Variants in SMIM23 observed in about 807,000 individuals in gnomAD.
The protein encoded by SMIM23 is small integral membrane protein 23, also known as CTB-78H18.1.
In SMIM23, 10 loss-of-function variants were observed where a neutral mutation model predicts 12.8. The ratio of observed to expected loss-of-function variants is 0.78; its 90% CI spans 0.48 to 1.32. The LOEUF (loss-of-function observed/expected upper bound fraction) is 1.32, where lower values mean the gene tolerates loss of function less well. Among genes scored for constraint, SMIM23 ranks in the 40% most tolerant of loss-of-function variants. SMIM23 has a pLI of 0.00. For synonymous variants in SMIM23, 78 were observed against 80.1 expected (o/e 0.97, Z 0.14); for missense variants, 184 against 198.2 (o/e 0.93, Z 0.43).
chr5:171,775,415 C>T, the SMIM23 span, among the ~76,000 whole-genome samples: 5 of 152,094 alleles, frequency 3.3e-5, no homozygotes, highest in African/African-American at 4.8e-5. Context: ...GTAACTCTAC[C>T]GTGTGAAAGG....
At chr5:171,780,472 C>A (rs1046657862), upstream of SMIM23, among the ~76,000 whole-genome samples, 1 of 152,106 alleles carries the variant, frequency 6.6e-6, no homozygotes, top group Admixed American at 6.6e-5. Context: ...CTCTGCCTTC[C>A]GAAGGAGTTT....
At chr5:171,781,775 G>A (rs1428287211), upstream of SMIM23, among the ~76,000 whole-genome samples, 1 of 152,232 alleles carries the variant, frequency 6.6e-6, no homozygotes, top group Admixed American at 6.5e-5. Context: ...GGTGAGGCCA[G>A]CTGGACTCCC....
At chr5:171,777,341 A>G in the SMIM23 span, among the ~76,000 whole-genome samples, 1 of 152,250 alleles carries the variant, frequency 6.6e-6, no homozygotes, top group East Asian at 1.9e-4. Flanking sequence ...CGGGTATGCA[A>G]TGAGCCATCC....
At chr5:171,789,741 C>CA (rs1361066779) in intron 1 of SMIM23, among the ~76,000 whole-genome samples, 1 of 152,194 alleles carries the variant, frequency 6.6e-6, no homozygotes, top group Non-Finnish European at 1.5e-5. Flanking sequence ...CAAAACTACT[C>CA]ACAGTGACAG....
upstream of SMIM23, among the ~76,000 whole-genome samples, chr5:171,780,326 A>G (rs1035678672): frequency 3.9e-5 from 6 of 152,014 alleles, no homozygotes; most frequent in African/African-American, 1.2e-4. Context: ...TTTACTAGGA[A>G]GTGTGAAGCA....
At chr5:171,788,988 G>A (rs879626033) in intron 1 of SMIM23, among the ~76,000 whole-genome samples, 1 of 152,172 alleles carries the variant, frequency 6.6e-6, no homozygotes, top group Non-Finnish European at 1.5e-5. Context: ...TACAGGCACC[G>A]GCCACCATGG....
At chr5:171,774,430 T>G in the SMIM23 span, 29 of 456,342 alleles carry the variant, frequency 6.4e-5, 1 homozygote, top group South Asian at 4.3e-4. Context: ...AACCCAGGTC[T>G]GCTCGGCTGC....
upstream of SMIM23, among the ~76,000 whole-genome samples, chr5:171,780,989 A>G (rs1755717337): frequency 6.6e-6 from 1 of 152,342 alleles, no homozygotes; most frequent in South Asian, 2.1e-4. Flanking sequence ...TAAAATGGAG[A>G]CAAAAATATG....
chr5:171,781,537 G>GCC (rs11396589), upstream of SMIM23, among the ~76,000 whole-genome samples: 69 of 148,622 alleles, frequency 4.6e-4, no homozygotes, highest in African/African-American at 1.7e-3. Context: ...TCTGAGAAGT[G>GCC]CCCCCCCCCG....
chr5:171,783,579 T>C (rs1455705489), upstream of SMIM23, among the ~76,000 whole-genome samples: 2 of 152,112 alleles, frequency 1.3e-5, no homozygotes, highest in African/African-American at 4.8e-5. Context: ...TGGGCTGAAA[T>C]GTGAAGCGTA....
chr5:171,783,587 G>A (rs577143266), upstream of SMIM23, among the ~76,000 whole-genome samples: 9 of 152,030 alleles, frequency 5.9e-5, no homozygotes, highest in African/African-American at 1.9e-4. Flanking sequence ...AATGTGAAGC[G>A]TAAAGCTATA....
chr5:171,783,987 A>G (rs79136264), upstream of SMIM23, among the ~76,000 whole-genome samples: 228 of 152,326 alleles, frequency 1.5e-3, 1 homozygote, highest in African/African-American at 4.7e-3. Context: ...CACACCGGTA[A>G]TCGCAGCACT....
chr5:171,776,199 C>T, the SMIM23 span, among the ~76,000 whole-genome samples: 49 of 144,746 alleles, frequency 3.4e-4, no homozygotes, highest in African/African-American at 1.2e-3. Context: ...CCCTACCTTA[C>T]AGATGGAAGA....
chr5:171,785,113 T>C (rs1433106309), upstream of SMIM23, among the ~76,000 whole-genome samples: 1 of 152,130 alleles, frequency 6.6e-6, no homozygotes, highest in Non-Finnish European at 1.5e-5. Context: ...GTGTCTTGAC[T>C]ATTGTCCTAA....
intron 1 of SMIM23, among the ~76,000 whole-genome samples, chr5:171,788,187 C>T (rs838295): frequency 0.034 from 5,173 of 150,906 alleles, 180 homozygotes; most frequent in African/African-American, 0.086. Context: ...CACACACACA[C>T]ACACACACAC....
At chr5:171,782,103 G>A (rs1187788007), upstream of SMIM23, among the ~76,000 whole-genome samples, 1 of 152,182 alleles carries the variant, frequency 6.6e-6, no homozygotes. Context: ...AGTAAATCTT[G>A]CTGCTGCTCA....
chr5:171,790,357 A>G, intron 2 of SMIM23, 76 bp downstream of exon 2: 1 of 1,514,626 alleles, frequency 6.6e-7, no homozygotes, highest in African/African-American at 1.4e-5. Context: ...AGATGGTTGT[A>G]TGTTAAGGGG....
the SMIM23 span, chr5:171,773,642 G>T: frequency 2.7e-6 from 1 of 375,062 alleles, no homozygotes; most frequent in Non-Finnish European, 5.2e-6. Flanking sequence ...TAGAGGGTAA[G>T]ACTCAAGCCA....
intron 3 of SMIM23, 54 bp downstream of exon 3, chr5:171,790,603 G>A: frequency 6.7e-7 from 1 of 1,494,432 alleles, no homozygotes; most frequent in Non-Finnish European, 9.0e-7. Context: ...GCTTTCCAGA[G>A]GAGGTGTCAT....
Sources: gnomAD v4.1 joint callset for allele counts (sites outside exome capture counted in the v4.1 genomes callset) on GRCh38, gnomAD v4.1.1 for gene constraint, MANE v1.5 for transcripts, NCBI Gene and HGNC (gene_info 2026-07-23, HGNC 2026-07-21) for gene names.